CPNE4: variants seen among roughly 807,000 people sequenced by gnomAD.
The protein encoded by CPNE4 is copine 4, also known as copine-4.
CPNE4 carries 25 observed loss-of-function variants against 67.9 expected under a neutral mutation model. The observed-to-expected ratio is 0.37, with a 90% confidence interval of 0.27 to 0.51. The LOEUF (loss-of-function observed/expected upper bound fraction) is 0.51. CPNE4 is among the 20% of genes least tolerant of loss of function. The pLI, the probability that CPNE4 is intolerant of heterozygous loss-of-function variation, is 0.93. For missense variants in CPNE4, 464 were observed against 690.8 expected (o/e 0.67, Z 3.68); for synonymous variants, 242 against 244.9 (o/e 0.99, Z 0.11).
chr3:131,576,888 C>T (rs1228241303), intron 9 of CPNE4, among the ~76,000 whole-genome samples: 1 of 151,834 alleles, frequency 6.6e-6, no homozygotes, highest in Non-Finnish European at 1.5e-5. Flanking sequence ...GGTGGGAGAA[C>T]ATTGGCTTGG....
chr3:131,820,484 G>A (rs1297725272), intron 2 of CPNE4, among the ~76,000 whole-genome samples: 1 of 152,248 alleles, frequency 6.6e-6, no homozygotes, highest in Non-Finnish European at 1.5e-5. Flanking sequence ...GGGGCTGCCA[G>A]TTAACCGCAT....
At chr3:131,786,361 TC>T (rs768719090) in intron 2 of CPNE4, among the ~76,000 whole-genome samples, 5 of 152,130 alleles carry the variant, frequency 3.3e-5, no homozygotes, top group Non-Finnish European at 7.4e-5. Context: ...TCATGTGTGA[TC>T]CCTTATTAGA....
At chr3:132,011,918 T>C (rs1185378701) in intron 1 of CPNE4, among the ~76,000 whole-genome samples, 1 of 152,242 alleles carries the variant, frequency 6.6e-6, no homozygotes, top group Non-Finnish European at 1.5e-5. Context: ...ACCTTGGTGA[T>C]TTCTGCCCCC....
chr3:131,884,707 C>A (rs1225529253), intron 2 of CPNE4, among the ~76,000 whole-genome samples: 1 of 152,152 alleles, frequency 6.6e-6, no homozygotes, highest in African/African-American at 2.4e-5. Flanking sequence ...GCAGTTTCCT[C>A]CATACTGTTC....
At chr3:131,681,773 T>C (rs549249869) in intron 6 of CPNE4, among the ~76,000 whole-genome samples, 86 of 152,270 alleles carry the variant, frequency 5.6e-4, no homozygotes, top group Admixed American at 4.8e-3. Flanking sequence ...ATTTGTCCTT[T>C]TGAGGCTATT....
At chr3:132,016,377 A>G (rs1280983328) in intron 1 of CPNE4, among the ~76,000 whole-genome samples, 3 of 152,188 alleles carry the variant, frequency 2.0e-5, no homozygotes, top group African/African-American at 7.2e-5. Context: ...TCTCTCTTCA[A>G]CTTAGCTTTC....
At chr3:131,997,354 C>T (rs942080120) in intron 1 of CPNE4, among the ~76,000 whole-genome samples, 3 of 151,982 alleles carry the variant, frequency 2.0e-5, no homozygotes, top group Admixed American at 6.6e-5. Context: ...CAGCTGAAGA[C>T]GGTTAATGCT....
At chr3:131,717,158 G>T (rs1294313157) in intron 3 of CPNE4, among the ~76,000 whole-genome samples, 1 of 152,004 alleles carries the variant, frequency 6.6e-6, no homozygotes, top group Non-Finnish European at 1.5e-5. Flanking sequence ...AGGGTAAAAA[G>T]TTCTGCCTGT....
At chr3:131,669,555 A>T in intron 7 of CPNE4, 120 bp downstream of exon 7, 1 of 682,578 alleles carries the variant, frequency 1.5e-6, no homozygotes, top group South Asian at 2.1e-5. Context: ...ATGCTAAAAG[A>T]TGAGAGGGTT....
intron 2 of CPNE4, among the ~76,000 whole-genome samples, chr3:131,818,743 C>T (rs2084843781): frequency 6.6e-6 from 1 of 152,118 alleles, no homozygotes; most frequent in Admixed American, 6.6e-5. Flanking sequence ...TAATAACATC[C>T]CCATTTTAGG....
intron 1 of CPNE4, among the ~76,000 whole-genome samples, chr3:131,906,227 TTTTG>T (rs1014373742): frequency 2.6e-5 from 4 of 151,498 alleles, no homozygotes; most frequent in Non-Finnish European, 5.9e-5. Context: ...TGTTGTTTTG[TTTTG>T]TTTTATTTTG....
chr3:132,018,687 C>T (rs1244162789), intron 1 of CPNE4, among the ~76,000 whole-genome samples: 1 of 152,132 alleles, frequency 6.6e-6, no homozygotes, highest in Non-Finnish European at 1.5e-5. Context: ...TAAAGCAAAC[C>T]AGTTCCAAAT....
rs10663165 is a variant in CPNE4 at position 132,012,173 on chromosome 3, GT to G, written c.-2+22393del. 1.4e-3 allele frequency among the ~76,000 whole-genome samples: 191 copies of G among 136,132 alleles called. 5 individuals are homozygous for G. Among genetic ancestry groups the G allele is most frequent in the Admixed American group, 0.012 (165 of 13,560 alleles). 89.3% of individuals were successfully genotyped at this position (136,132 alleles called of 152,430 possible). A position where few individuals can be genotyped will look rare whatever the true frequency, so the allele number is the denominator to read the frequency against. On this transcript the variant is annotated intron_variant, in intron 1 of 15. Transcript: ENST00000429747. ...CAGTAAAGCTTTCTTTTGCTTTTTC[GT>G]TTTTTTTTTTTTTTTAGACAGTCTC...
Position 131,685,062 on chromosome 3 carries a change from T to C in CPNE4, c.591+813A>G, listed in dbSNP as rs1466633988. ...AGCAGATTGACTTCCCAAATTACCA[T>C]GAAGCTCAGAGTCAAACAACCTCAA... is the stretch of plus-strand genomic sequence containing the variant. On this transcript the variant is annotated intron_variant, in intron 6 of 15. Transcript: ENST00000429747. Among the ~76,000 whole-genome samples, 3 of 152,160 alleles carry C rather than the reference T, an allele frequency of 2.0e-5. No homozygotes were observed. In the East Asian group the frequency reaches 5.8e-4, roughly 29 times the overall value.
At chr3:131,880,384 G>A (rs9828857) in intron 2 of CPNE4, among the ~76,000 whole-genome samples, 85,629 of 151,870 alleles carry the variant, frequency 0.56, 24,438 homozygotes, top group Admixed American at 0.67. Context: ...AAAGTGCTGG[G>A]ATTACAGGCG....
intron 7 of CPNE4, among the ~76,000 whole-genome samples, chr3:131,623,712 C>T (rs1000126200): frequency 4.6e-5 from 7 of 152,156 alleles, no homozygotes; most frequent in African/African-American, 1.7e-4. Context: ...ATGCATATTC[C>T]CAAGTTGCAT....
chr3:131,990,773 T>C (rs550674623), intron 1 of CPNE4, among the ~76,000 whole-genome samples: 1 of 136,014 alleles, frequency 7.4e-6, no homozygotes, highest in East Asian at 2.4e-4. Flanking sequence ...GGAGGATTCA[T>C]ATGGCTTGGC....
rs375418710 is a variant in CPNE4 at position 132,019,006 on chromosome 3, T to C, written c.-2+15561A>G. Among the ~76,000 whole-genome samples the C allele has an allele frequency of 6.6e-5, 10 of 152,210 alleles. No individual in the cohort carries two copies. In the East Asian group the frequency reaches 1.3e-3, roughly 20 times the overall value. ...AAACTCTGCTTTATCAAGAACTTTTTAAAAAGCTGTTTGCAGACTCTGCAG... is the reference window on the plus strand; with the variant it reads ...AAACTCTGCTTTATCAAGAACTTTTCAAAAAGCTGTTTGCAGACTCTGCAG... On this transcript the variant is annotated intron_variant, in intron 1 of 15. Transcript: ENST00000429747.
chr3:131,756,127 C>A (rs897571706), intron 2 of CPNE4, among the ~76,000 whole-genome samples: 3 of 152,104 alleles, frequency 2.0e-5, no homozygotes, highest in African/African-American at 7.2e-5. Flanking sequence ...GTGTTTAAAA[C>A]ACTTTTACAT....
Sources: allele counts gnomAD v4.1 joint callset (sites outside exome capture counted in the v4.1 genomes callset), GRCh38; gene constraint gnomAD v4.1.1; transcripts MANE v1.5; gene names NCBI Gene and HGNC (gene_info 2026-07-23, HGNC 2026-07-21).